Variants in DEPDC5 observed in about 807,000 individuals in gnomAD.
The protein encoded by DEPDC5 is DEP domain containing 5, GATOR1 subcomplex subunit.
Under a neutral mutation model 217.3 loss-of-function variants are expected in DEPDC5, and 73 were observed. The ratio of observed to expected loss-of-function variants is 0.34; its 90% CI spans 0.28 to 0.41. The LOEUF is 0.41. Ranked by LOEUF, DEPDC5 falls within the 10% of genes least tolerant of loss-of-function variation. The pLI is 1.00. For synonymous variants in DEPDC5, 733 were observed against 756.7 expected, an observed-to-expected ratio of 0.97 and a Z score of 0.51; for missense variants, 1,675 against 2,070.1, an observed-to-expected ratio of 0.81 and a Z score of 3.70.
At chr22:31,879,004 T>C (rs1412880759) in intron 37 of DEPDC5, among the ~76,000 whole-genome samples, 1 of 128,446 alleles carries the variant, frequency 7.8e-6, no homozygotes, top group Non-Finnish European at 1.5e-5. Flanking sequence ...CACTCCAGCC[T>C]GGGCGACAGA....
At chr22:31,871,222 C>T (rs1441056745) in intron 34 of DEPDC5, among the ~76,000 whole-genome samples, 2 of 152,252 alleles carry the variant, frequency 1.3e-5, no homozygotes, top group African/African-American at 4.8e-5. Flanking sequence ...GCTTTTACTA[C>T]TGTTGTCAAT....
chr22:31,800,483 G>C (rs2086753316), intron 14 of DEPDC5, among the ~76,000 whole-genome samples: 1 of 152,080 alleles, frequency 6.6e-6, no homozygotes, highest in Non-Finnish European at 1.5e-5. Context: ...TGGGTCTTCT[G>C]TTGGCCAGTT....
chr22:31,888,240 GTTTTTTTTTTTTTTTTT>G (rs71184531), intron 38 of DEPDC5, among the ~76,000 whole-genome samples: 63 of 66,412 alleles, frequency 9.5e-4, no homozygotes, highest in Admixed American at 4.1e-3. Flanking sequence ...TTTGTCTGTG[GTTTTTTTTTTTTTTTTT>G]TTTTTTTTTG....
Position 31,844,702 on chromosome 22 carries a change from CTTTTTTTTTTTTTT to C in DEPDC5, c.2802-303_2802-290del, listed in dbSNP as rs136860. On this transcript the variant is annotated intron_variant, in intron 29 of 42. Coordinates refer to ENST00000651528, the MANE Select transcript of DEPDC5 (RefSeq NM_001242896.3). ...GCCTTTGTGGTCTTCCTTCAGAGCT[CTTTTTTTTTTTTTT>C]TTTTTTTTTTTTGAGACAAGGTGGA... The C allele has an allele frequency of 1.5e-4, 20 of 131,778 alleles. No homozygotes were observed. In the Admixed American group the frequency reaches 3.1e-3, roughly 21 times the overall value. 8.2% of individuals were successfully genotyped at this position (131,778 alleles called of 1,614,324 possible).
At chr22:31,845,378 T>G in intron 30 of DEPDC5, 141 bp downstream of exon 30, 1 of 1,168,500 alleles carries the variant, frequency 8.6e-7, no homozygotes, top group Non-Finnish European at 1.2e-6. Context: ...AAACAGTGTT[T>G]TCTCCTCCAC....
chr22:31,878,547 GAA>G (rs113310189), intron 37 of DEPDC5, among the ~76,000 whole-genome samples: 14 of 134,186 alleles, frequency 1.0e-4, no homozygotes, highest in Non-Finnish European at 1.1e-4. Context: ...ATCTCTACAG[GAA>G]AAAAAAAAAA....
At chr22:31,893,264 A>G (rs1273273455) in intron 38 of DEPDC5, among the ~76,000 whole-genome samples, 1 of 152,102 alleles carries the variant, frequency 6.6e-6, no homozygotes, top group Non-Finnish European at 1.5e-5. Context: ...CCTAAAACTC[A>G]GTCTGCTTTT....
In DEPDC5 at chr22:31,821,383, C is replaced by G. The variant is rs528208051; in HGVS notation, c.1871-119C>G. ...TGGGAGCCACCCTCTGTGGTGTGTT[C>G]TTCTTTCAATCTCACCAACATCTGT... On this transcript the variant is annotated intron_variant, in intron 22 of 42. Coordinates refer to ENST00000651528, the MANE Select transcript of DEPDC5 (RefSeq NM_001242896.3). 166 of 1,397,706 alleles carry G rather than the reference C, an allele frequency of 1.2e-4. 1 individual carries two copies. Among genetic ancestry groups the G allele is most frequent in the Admixed American group, 1.7e-4 (9 of 54,396 alleles). The allele number at this position is 1,397,706 out of a possible 1,614,324, so 86.6% of individuals were successfully genotyped here.
At chr22:31,786,233 G>A (rs2084969106) in intron 10 of DEPDC5, among the ~76,000 whole-genome samples, 1 of 148,892 alleles carries the variant, frequency 6.7e-6, no homozygotes, top group South Asian at 2.1e-4. Context: ...TCCAGCCTGG[G>A]CAACAGAGTG....
At chr22:31,756,481 G>A (rs1382778872) in intron 2 of DEPDC5, among the ~76,000 whole-genome samples, 1 of 152,150 alleles carries the variant, frequency 6.6e-6, no homozygotes, top group Non-Finnish European at 1.5e-5. Context: ...CTAAATATTT[G>A]TGGAGTGGAA....
chr22:31,901,826 G>C, intron 41 of DEPDC5, 24 bp downstream of exon 41: 1 of 1,607,170 alleles, frequency 6.2e-7, no homozygotes, highest in Non-Finnish European at 8.5e-7. Flanking sequence ...CAAGTGTGAA[G>C]AGTGGGAAGG....
intron 26 of DEPDC5, among the ~76,000 whole-genome samples, chr22:31,838,048 A>G (rs1287418551): frequency 1.3e-5 from 2 of 152,108 alleles, no homozygotes; most frequent in East Asian, 1.9e-4. Flanking sequence ...CCAGAGTTCT[A>G]TTGACATCAA....
At chr22:31,867,660 T>C (rs2092724414) in intron 33 of DEPDC5, among the ~76,000 whole-genome samples, 1 of 152,236 alleles carries the variant, frequency 6.6e-6, no homozygotes, top group South Asian at 2.1e-4. Context: ...TTTCTCACTT[T>C]CTTACTCAAA....
rs2075195526 is a variant in DEPDC5 at position 31,754,985 on chromosome 22, T to C, written c.58+6T>C. 6.2e-7 allele frequency: 1 copy of C among 1,614,180 alleles called. No individual in the cohort carries two copies. Among genetic ancestry groups the C allele is most frequent in the East Asian group, 2.2e-5 (1 of 44,884 alleles). On this transcript the variant is annotated splice_donor_region_variant and intron_variant, in intron 2 of 42. Transcript: ENST00000651528. ...GAAGGGCTTTGGGGGCAGTGGTCAGTATCGATTGGTCTTTAGAGGTTTTGT... is the reference window on the plus strand; with the variant it reads ...GAAGGGCTTTGGGGGCAGTGGTCAGCATCGATTGGTCTTTAGAGGTTTTGT...
intron 4 of DEPDC5, among the ~76,000 whole-genome samples, chr22:31,764,369 C>T (rs1339502253): frequency 1.3e-5 from 2 of 152,082 alleles, no homozygotes; most frequent in Non-Finnish European, 1.5e-5. Flanking sequence ...TCTCCTTTCT[C>T]TTCTGGAGTT....
intron 12 of DEPDC5, among the ~76,000 whole-genome samples, chr22:31,795,065 A>ATTTTT (rs983604458): frequency 1.1e-4 from 12 of 107,354 alleles, no homozygotes; most frequent in East Asian, 1.1e-3. Context: ...ATTCCATGTG[A>ATTTTT]TTTTTTTTTT....
intron 8 of DEPDC5, among the ~76,000 whole-genome samples, chr22:31,781,065 A>G (rs564922372): frequency 6.6e-6 from 1 of 152,030 alleles, no homozygotes; most frequent in East Asian, 1.9e-4. Context: ...AAACATACAA[A>G]ATTAACTGGG....
chr22:31,783,441 G>A (rs1424844612), intron 8 of DEPDC5, among the ~76,000 whole-genome samples: 5 of 152,144 alleles, frequency 3.3e-5, no homozygotes, highest in African/African-American at 1.2e-4. Flanking sequence ...TGTGAGGATT[G>A]CTTGAGCCCA....
intron 21 of DEPDC5, chr22:31,815,670 A>G (rs1036370044): frequency 1.2e-5 from 7 of 580,806 alleles, no homozygotes; most frequent in African/African-American, 9.7e-5. Context: ...AGTAACTGGG[A>G]CTATAGCATG....
Sources: allele counts gnomAD v4.1 joint callset (sites outside exome capture counted in the v4.1 genomes callset), GRCh38; gene constraint gnomAD v4.1.1; transcripts MANE v1.5; gene names NCBI Gene and HGNC (gene_info 2026-07-23, HGNC 2026-07-21).